RAB18: variants seen among roughly 807,000 people sequenced by gnomAD.
The protein encoded by RAB18 is RAB18, member RAS oncogene family.
A neutral mutation model predicts 28.5 loss-of-function variants in RAB18; 10 were observed. The observed-to-expected ratio is 0.35, with a 90% CI of 0.22 to 0.60. The LOEUF is 0.60. Ranked by LOEUF, RAB18 falls within the 20% of genes least tolerant of loss-of-function variation. The pLI is 0.78. For synonymous variants in RAB18, 93 were observed against 86.9 expected, an observed-to-expected ratio of 1.07 and a Z score of -0.39; for missense variants, 188 against 244.2, an observed-to-expected ratio of 0.77 and a Z score of 1.53.
chr10:27,531,048 A>G (rs942464727), intron 3 of RAB18, among the ~76,000 whole-genome samples: 3 of 152,096 alleles, frequency 2.0e-5, no homozygotes, highest in African/African-American at 7.2e-5. Context: ...AATCCAAGGC[A>G]GGTTTTGTAA....
In RAB18 at chr10:27,509,868, C is replaced by T. The variant is rs760291529; in HGVS notation, c.69-7C>T. The T allele has an allele frequency of 6.2e-7, 1 of 1,610,468 alleles. No individual in the cohort carries two copies. ...TTCCCAACCTGTCTTTTTAATATCT[C>T]TTTCAGCCTGCTCTTGAGGTTCACA... On this transcript the variant is annotated splice_polypyrimidine_tract_variant and splice_region_variant and intron_variant, in intron 1 of 6. Transcript: ENST00000356940.
At chr10:27,518,552 G>T (rs2132383752) in intron 2 of RAB18, among the ~76,000 whole-genome samples, 1 of 152,120 alleles carries the variant, frequency 6.6e-6, no homozygotes. Flanking sequence ...ATTTATATAG[G>T]CTGTATATAT....
At chr10:27,519,492 A>G (rs570352461) in intron 2 of RAB18, among the ~76,000 whole-genome samples, 19 of 152,250 alleles carry the variant, frequency 1.2e-4, no homozygotes, top group African/African-American at 4.6e-4. Context: ...CCACAGGAAT[A>G]CAAAATCCAT....
intron 2 of RAB18, chr10:27,514,329 A>C (rs1436393643): frequency 2.0e-5 from 3 of 152,258 alleles, no homozygotes; most frequent in African/African-American, 7.2e-5. Context: ...ATGAGTTTAG[A>C]AAACTTAATG....
At chr10:27,504,576 T>TC (rs1837757302) in intron 1 of RAB18, 139 bp downstream of exon 1, 1 of 987,688 alleles carries the variant, frequency 1.0e-6, no homozygotes, top group East Asian at 2.6e-5. Context: ...CCTCGGCCTC[T>TC]GGGCCGCGCT....
At position 27,525,708 on chromosome 10, in the gene RAB18, A is replaced by AAT. The variant is rs1248161088; in HGVS notation, c.125-1111_125-1110dup. Among the ~76,000 whole-genome samples the AAT allele has an allele frequency of 2.6e-5, 4 of 152,310 alleles. No homozygotes were observed. The South Asian group carries it at 8.3e-4, about 32-fold the overall frequency. ...CCCAGCTCAAAACACCAAACTTAAAAATATATATATTTGGTATACAGAAAG... is the reference window on the plus strand; with the variant it reads ...CCCAGCTCAAAACACCAAACTTAAAAATATATATATATTTGGTATACAGAAAG... On this transcript the variant is annotated intron_variant, in intron 2 of 6. Transcript: ENST00000356940.
chr10:27,534,060 C>A, intron 6 of RAB18, 66 bp downstream of exon 6: 1 of 1,427,580 alleles, frequency 7.0e-7, no homozygotes, highest in South Asian at 1.1e-5. Context: ...GAGTTTTTGC[C>A]AAGTTTATTT....
At chr10:27,514,698 TGTA>T (rs1834397146) in intron 2 of RAB18, among the ~76,000 whole-genome samples, 3 of 151,796 alleles carry the variant, frequency 2.0e-5, no homozygotes, top group Admixed American at 6.6e-5. Flanking sequence ...TATTTAAAAA[TGTA>T]GTACAAGATA....
chr10:27,515,088 T>G (rs562012495), intron 2 of RAB18, among the ~76,000 whole-genome samples: 7 of 152,264 alleles, frequency 4.6e-5, no homozygotes, highest in African/African-American at 1.4e-4. Flanking sequence ...CGACCAGTTT[T>G]TTTGTTTGTT....
intron 3 of RAB18, among the ~76,000 whole-genome samples, chr10:27,528,559 C>A (rs1834726243): frequency 6.6e-6 from 1 of 151,968 alleles, no homozygotes; most frequent in Non-Finnish European, 1.5e-5. Context: ...CCTTTCCTAC[C>A]ACCTCACCCC....
chr10:27,506,435 C>A (rs894559171), intron 1 of RAB18, among the ~76,000 whole-genome samples: 1 of 152,096 alleles, frequency 6.6e-6, no homozygotes, highest in Non-Finnish European at 1.5e-5. Context: ...GATCCTCCCA[C>A]CTCAGCCTTT....
At chr10:27,533,318 G>A (rs1312276022) in intron 4 of RAB18, among the ~76,000 whole-genome samples, 12 of 151,618 alleles carry the variant, frequency 7.9e-5, no homozygotes, top group Non-Finnish European at 1.2e-4. Flanking sequence ...TTTGGTTCTT[G>A]TAATAAACAA....
rs1467710527 is a variant in RAB18 at position 27,509,922 on chromosome 10, C to T, written c.116C>T (p.Ala39Val). The T allele has an allele frequency of 1.2e-6, 2 of 1,610,674 alleles. No individual in the cohort carries two copies. The highest frequency in any genetic ancestry group is 1.7e-6 in the Non-Finnish European group (2 of 1,177,076). ...GATACGTTTGATCCAGAACTTGCAG[C>T]AACAATAGGTAAGCCTGTGTTTAAA... The part of the protein sequence containing the change: ...TDDTFDPELA[A>V]TIGVDFKVKT... Residue 39 changes from alanine (A) to valine (V), a missense_variant, in exon 2 of 7, where the codon GCA (alanine) becomes GTA (valine). Transcript: ENST00000356940.
chr10:27,525,052 G>A (rs572752074), intron 2 of RAB18, among the ~76,000 whole-genome samples: 2 of 152,180 alleles, frequency 1.3e-5, no homozygotes, highest in Non-Finnish European at 2.9e-5. Context: ...TTATCCACAT[G>A]CAAATTATTC....
chr10:27,532,473 CTTTG>C (rs761971502), intron 3 of RAB18, 30 bp from the exon 4 acceptor site: 23 of 1,481,862 alleles, frequency 1.6e-5, no homozygotes, highest in African/African-American at 1.5e-4. Context: ...TCTATTTATA[CTTTG>C]TTTAATTTAA....
In RAB18 at chr10:27,525,266, T is replaced by A. The variant is rs560175200; in HGVS notation, c.125-1562T>A. Among the ~76,000 whole-genome samples the A allele has an allele frequency of 5.2e-3, 790 of 152,204 alleles. 3 individuals are homozygous for A. The highest frequency in any genetic ancestry group is 9.0e-3 in the Non-Finnish European group (615 of 67,984). ...TATCTGGGATTATTAAGGAAAAAAA[T>A]TAGTTCTTTATATACTCCCTGAAAA... On this transcript the variant is annotated intron_variant, in intron 2 of 6. Transcript: ENST00000356940.
chr10:27,518,088 T>G (rs1325131773), intron 2 of RAB18, among the ~76,000 whole-genome samples: 1 of 152,208 alleles, frequency 6.6e-6, no homozygotes, highest in Non-Finnish European at 1.5e-5. Context: ...CTGAGCTATA[T>G]TCCATTGTGT....
chr10:27,524,089 A>AT (rs1214641126), intron 2 of RAB18, among the ~76,000 whole-genome samples: 1 of 152,054 alleles, frequency 6.6e-6, no homozygotes, highest in African/African-American at 2.4e-5. Flanking sequence ...CAAAAAAAAA[A>AT]TAAAAATAAA....
chr10:27,512,676 T>G (rs1834347253), intron 2 of RAB18, among the ~76,000 whole-genome samples: 1 of 152,216 alleles, frequency 6.6e-6, no homozygotes, highest in Non-Finnish European at 1.5e-5. Context: ...CCTGCCTGAG[T>G]ACGTATTGGT....
Sources: gnomAD v4.1 joint callset for allele counts (sites outside exome capture counted in the v4.1 genomes callset) on GRCh38, gnomAD v4.1.1 for gene constraint, MANE v1.5 for transcripts, NCBI Gene and HGNC (gene_info 2026-07-23, HGNC 2026-07-21) for gene names.